Variants in TMC2 observed in about 807,000 individuals in gnomAD.
The protein encoded by TMC2 is transmembrane channel like 2.
Under a neutral mutation model 105.9 loss-of-function variants are expected in TMC2, and 102 were observed. The ratio of observed to expected loss-of-function variants is 0.96; its 90% CI spans 0.82 to 1.14. The LOEUF is 1.14. TMC2 is among the 50% of genes most tolerant of loss of function. The probability of loss-of-function intolerance (pLI) is 0.00; values close to 1 mark genes in which losing one functional copy is unlikely to be tolerated. For synonymous variants in TMC2, 402 were observed against 422.8 expected, an observed-to-expected ratio of 0.95 and a Z score of 0.60; for missense variants, 1,093 against 1,134.3, an observed-to-expected ratio of 0.96 and a Z score of 0.52.
intron 4 of TMC2, 53 bp from the exon 5 acceptor site, chr20:2,572,126 T>G (rs1568509433): frequency 7.4e-7 from 1 of 1,342,480 alleles, no homozygotes; most frequent in East Asian, 2.3e-5. Context: ...AATTCAGATT[T>G]CCTCTGGTTA....
At chr20:2,540,575 C>T (rs956612737) in intron 2 of TMC2, among the ~76,000 whole-genome samples, 5 of 150,458 alleles carry the variant, frequency 3.3e-5, no homozygotes, top group Admixed American at 6.6e-5. Flanking sequence ...GTGAGAGAAT[C>T]GCTTGAACCT....
At chr20:2,572,653 C>T (rs138695664) in intron 5 of TMC2, among the ~76,000 whole-genome samples, 5 of 152,106 alleles carry the variant, frequency 3.3e-5, no homozygotes, top group East Asian at 1.9e-4. Flanking sequence ...TGTCCCCAGA[C>T]GGATGGGGGC....
chr20:2,558,265 T>G lies in TMC2; in HGVS notation c.83-191T>G. ...GAGAGTGACCTTCCTGCTTCTGCAGTTTTCTTAGTTTCCTTCAGCTTAAAA... is the reference window on the plus strand; with the variant it reads ...GAGAGTGACCTTCCTGCTTCTGCAGGTTTCTTAGTTTCCTTCAGCTTAAAA... On this transcript the variant is annotated intron_variant, in intron 2 of 19. Coordinates refer to ENST00000358864, the MANE Select transcript of TMC2 (RefSeq NM_080751.3). The surrounding 1 kb of genome is among the most constrained non-coding windows in gnomAD (Gnocchi z 4.6). 7.3e-7 allele frequency: 1 copy of G among 1,371,074 alleles called. No individual in the cohort carries two copies. The highest frequency in any genetic ancestry group is 9.6e-7 in the Non-Finnish European group (1 of 1,036,530). The allele number at this position is 1,371,074 out of a possible 1,614,324, so 84.9% of individuals were successfully genotyped here. A position where few individuals can be genotyped will look rare whatever the true frequency, so the allele number is the denominator to read the frequency against.
Position 2,642,386 on chromosome 20 carries a change from C to A in TMC2, c.*1035C>A, listed in dbSNP as rs899187326. 3.3e-5 allele frequency among the ~76,000 whole-genome samples: 5 copies of A among 152,086 alleles called. No individual in the cohort carries two copies. The highest frequency in any genetic ancestry group is 7.4e-5 in the Non-Finnish European group (5 of 68,018). ...GAGTGAAAACAGTGAATCACAGGAG[C>A]GAGTGAGTTGCCCAGTGCCTCTTAT... On this transcript the variant is annotated 3_prime_UTR_variant, in exon 20 of 20. Coordinates refer to ENST00000358864, the MANE Select transcript of TMC2 (RefSeq NM_080751.3).
chr20:2,560,542 C>A (rs1194713056), intron 3 of TMC2, among the ~76,000 whole-genome samples: 4 of 152,038 alleles, frequency 2.6e-5, no homozygotes, highest in Non-Finnish European at 5.9e-5. Flanking sequence ...TTTTTCATCA[C>A]TAAAGGAGTC....
chr20:2,603,328 C>G (rs1436396378), intron 11 of TMC2, among the ~76,000 whole-genome samples: 1 of 151,546 alleles, frequency 6.6e-6, no homozygotes, highest in African/African-American at 2.4e-5. Context: ...AAGAAGACAG[C>G]CTATCTTCCC....
rs573609945 is a variant in TMC2 at position 2,629,832 on chromosome 20, A to G, written c.2306+5436A>G. 1.3e-3 allele frequency among the ~76,000 whole-genome samples: 192 copies of G among 152,364 alleles called. 6 individuals carry two copies. The highest frequency in any genetic ancestry group is 1.3e-3 in the Non-Finnish European group (90 of 68,034). On this transcript the variant is annotated intron_variant, in intron 17 of 19. Transcript: ENST00000358864. ...AGTCCACAAGCTAAATCCGGACCAC[A>G]CTTGATTTTGTTAAATAAAGTTTTA...
In TMC2 at chr20:2,539,133, TAGG is replaced by T. The variant is rs1292169657; in HGVS notation, c.82+1824_82+1826del. ...TTCTCTGACCGAGTCAGGTGCTACA[TAGG>T]AGGAGGCCTGTTACATTTAGGAGAG... is the stretch of plus-strand genomic sequence containing the variant. On this transcript the variant is annotated intron_variant, in intron 2 of 19. Coordinates refer to ENST00000358864, the MANE Select transcript of TMC2 (RefSeq NM_080751.3). 3.3e-5 allele frequency among the ~76,000 whole-genome samples: 5 copies of T among 152,326 alleles called. No individual in the cohort carries two copies. In the South Asian group the frequency reaches 8.3e-4, roughly 25 times the overall value.
chr20:2,580,664 C>G (rs1034126242), intron 7 of TMC2, among the ~76,000 whole-genome samples: 1 of 152,174 alleles, frequency 6.6e-6, no homozygotes, highest in Admixed American at 6.5e-5. Flanking sequence ...TTCAGTGCAG[C>G]CTTGAACTCC....
At chr20:2,626,374 G>A (rs974187459) in intron 17 of TMC2, among the ~76,000 whole-genome samples, 1 of 152,142 alleles carries the variant, frequency 6.6e-6, no homozygotes, top group African/African-American at 2.4e-5. Flanking sequence ...GGCACTGGAG[G>A]CCTCACTTCC....
chr20:2,561,940 GAAA>G lies in TMC2; in HGVS notation c.489_491del (p.Lys165del). 1 of 1,614,182 alleles carries G rather than the reference GAAA, an allele frequency of 6.2e-7. No homozygotes were observed. The highest frequency in any genetic ancestry group is 8.5e-7 in the Non-Finnish European group (1 of 1,180,010). ...GGCCCAGATCCTGGAGCAGGTGGAAGAAAAAAAGAAGCTCATTGCCACCATGCG... is the reference window on the plus strand; with the variant it reads ...GGCCCAGATCCTGGAGCAGGTGGAAGAAAAGAAGCTCATTGCCACCATGCG... On this transcript the variant is annotated inframe_deletion, in exon 4 of 20. Coordinates refer to ENST00000358864, the MANE Select transcript of TMC2 (RefSeq NM_080751.3).
At chr20:2,569,970 A>C (rs1285185575) in intron 4 of TMC2, among the ~76,000 whole-genome samples, 2 of 152,220 alleles carry the variant, frequency 1.3e-5, no homozygotes, top group African/African-American at 4.8e-5. Context: ...CTAGGCATTG[A>C]AGGAACATAC....
At chr20:2,563,123 C>G (rs1466444218) in intron 4 of TMC2, among the ~76,000 whole-genome samples, 3 of 152,194 alleles carry the variant, frequency 2.0e-5, no homozygotes, top group African/African-American at 7.2e-5. Flanking sequence ...CCCATGCTCC[C>G]TGGCTCCTCT....
chr20:2,618,777 C>G (rs1259009486), intron 16 of TMC2, among the ~76,000 whole-genome samples: 1 of 152,226 alleles, frequency 6.6e-6, no homozygotes, highest in African/African-American at 2.4e-5. Context: ...CAGTTTAGGA[C>G]GTACTGCCCC....
chr20:2,594,929 C>T lies in TMC2; in HGVS notation c.1038C>T (p.Val346=). 1.9e-6 allele frequency: 3 copies of T among 1,614,098 alleles called. No homozygotes were observed. Among genetic ancestry groups the T allele is most frequent in the Non-Finnish European group, 2.5e-6 (3 of 1,180,004 alleles). ...RLPMAYFMVG[V]SVFGYSLIIV... is the part of the protein sequence containing the mutation. ...CTATGGCTTACTTTATGGTGGGGGT[C>T]AGCGTGTTCGGCTACAGCCTGATTA... The change falls in exon 9 of 20, where the codon GTC becomes GTT. Residue 346 remains valine, a synonymous_variant. Coordinates refer to ENST00000358864, the MANE Select transcript of TMC2 (RefSeq NM_080751.3).
At chr20:2,551,423 A>T (rs2085956383) in intron 2 of TMC2, among the ~76,000 whole-genome samples, 2 of 148,788 alleles carry the variant, frequency 1.3e-5, no homozygotes, top group Admixed American at 6.7e-5. Context: ...AATTCTCTTC[A>T]CAGTGTCTTT....
Position 2,602,094 on chromosome 20 carries a change from CT to C in TMC2, c.1225-18del. 1 of 1,582,880 alleles carries C rather than the reference CT, an allele frequency of 6.3e-7. No individual in the cohort carries two copies. On this transcript the variant is annotated intron_variant, in intron 10 of 19. Transcript: ENST00000358864. ...TTTCTGGCCTGACATTTATGCACAT[CT>C]CATTTTCACACATTAAGGAATCAAT... is the stretch of plus-strand genomic sequence containing the variant.
intron 4 of TMC2, among the ~76,000 whole-genome samples, chr20:2,568,567 T>C (rs1226025856): frequency 6.6e-6 from 1 of 152,210 alleles, no homozygotes; most frequent in Non-Finnish European, 1.5e-5. Context: ...CTTTTGAGAA[T>C]TGTTAACTGA....
chr20:2,600,986 G>T (rs945189200), intron 10 of TMC2, among the ~76,000 whole-genome samples: 8 of 90,540 alleles, frequency 8.8e-5, no homozygotes, highest in South Asian at 3.6e-4. Context: ...GACTGTCTCA[G>T]AAAAAAAAAA....
Sources: gnomAD v4.1 joint callset for allele counts (sites outside exome capture counted in the v4.1 genomes callset) on GRCh38, gnomAD v4.1.1 for gene constraint, Gnocchi (gnomAD v3.1) non-coding constraint, MANE v1.5 for transcripts, NCBI Gene and HGNC (gene_info 2026-07-23, HGNC 2026-07-21) for gene names.